The following SLIT3 variants were observed in gnomAD, a reference collection of about 807,000 sequenced individuals.
SLIT3 encodes the protein slit homolog 3 protein.
SLIT3 carries 68 observed loss-of-function variants against 184.0 expected under a neutral mutation model. The observed-to-expected ratio is 0.37, with a 90% confidence interval of 0.30 to 0.45. The LOEUF is 0.45. Among genes scored for constraint, SLIT3 ranks in the 20% least tolerant of loss-of-function variants. The probability of loss-of-function intolerance (pLI) is 1.00; values close to 1 mark genes in which losing one functional copy is unlikely to be tolerated. For missense variants in SLIT3, 1,707 were observed against 2,026.0 expected, an observed-to-expected ratio of 0.84 and a Z score of 3.02; for synonymous variants, 831 against 828.6, an observed-to-expected ratio of 1.00 and a Z score of -0.05.
At chr5:168,870,265 C>G (rs1398883830) in intron 5 of SLIT3, among the ~76,000 whole-genome samples, 1 of 152,216 alleles carries the variant, frequency 6.6e-6, no homozygotes, top group Non-Finnish European at 1.5e-5. Context: ...CTGTTGCCCC[C>G]AGATGCAAAG....
intron 4 of SLIT3, among the ~76,000 whole-genome samples, chr5:168,938,505 T>A (rs1762231818): frequency 6.6e-6 from 1 of 152,218 alleles, no homozygotes; most frequent in Non-Finnish European, 1.5e-5. Flanking sequence ...ATACTGTTGT[T>A]TTCTAGAACA....
chr5:169,238,592 G>C (rs1765283429), intron 3 of SLIT3, among the ~76,000 whole-genome samples: 1 of 133,294 alleles, frequency 7.5e-6, no homozygotes, highest in Admixed American at 8.1e-5. Flanking sequence ...GCTCATTCTG[G>C]TTTTTGCAAA....
chr5:169,272,615 C>T lies in SLIT3; in HGVS notation c.198-21156G>A, dbSNP rs555102953. Among the ~76,000 whole-genome samples the T allele has an allele frequency of 6.6e-5, 10 of 152,326 alleles. No individual in the cohort carries two copies. In the South Asian group the frequency reaches 1.9e-3, roughly 28 times the overall value. On this transcript the variant is annotated intron_variant, in intron 1 of 35. Transcript: ENST00000519560. Reference sequence around the variant, plus strand: ...AATGCACTGATGTGATCGTGTCTCTCATTCACAGCTTCCAAGACCATGTGA... The same window carrying T: ...AATGCACTGATGTGATCGTGTCTCTTATTCACAGCTTCCAAGACCATGTGA...
chr5:169,212,422 G>A (rs1414872629), intron 3 of SLIT3, among the ~76,000 whole-genome samples: 1 of 152,038 alleles, frequency 6.6e-6, no homozygotes, highest in Non-Finnish European at 1.5e-5. Flanking sequence ...GTCTTCTTTT[G>A]AGAAGCGTCT....
Position 168,806,551 on chromosome 5 carries a change from G to C in SLIT3, c.830C>G (p.Ser277Cys). Reference sequence around the variant, plus strand: ...CGTGCAGGGCGAAGGGCAGGAGATGGAGTTGGCATTGCAGGATGGGGGCTC... The same window carrying C: ...CGTGCAGGGCGAAGGGCAGGAGATGCAGTTGGCATTGCAGGATGGGGGCTC... ...HSEPPSCNANSISCPSPCTCS... is the reference protein window; with the variant it reads ...HSEPPSCNANCISCPSPCTCS... The change falls in exon 9 of 36, where the codon TCC becomes TGC. Residue 277 changes from serine (S) to cysteine (C), a missense_variant. Coordinates refer to ENST00000519560, the MANE Select transcript of SLIT3 (RefSeq NM_003062.4). 1 of 1,614,226 alleles carries C rather than the reference G, an allele frequency of 6.2e-7. No homozygotes were observed. Among genetic ancestry groups the C allele is most frequent in the Non-Finnish European group, 8.5e-7 (1 of 1,180,022 alleles).
In SLIT3 at chr5:168,665,661, T is replaced by C. The variant is rs1272154315; in HGVS notation, c.*793A>G. On this transcript the variant is annotated 3_prime_UTR_variant, in exon 36 of 36. Coordinates refer to ENST00000519560, the MANE Select transcript of SLIT3 (RefSeq NM_003062.4). ...CAGACTTCAATAGTCAGTCCTCGATTGGAAGCCAGGGCCAGCCAGGAAGGA... is the reference window on the plus strand; with the variant it reads ...CAGACTTCAATAGTCAGTCCTCGATCGGAAGCCAGGGCCAGCCAGGAAGGA... 1 of 152,580 alleles carries C rather than the reference T, an allele frequency of 6.6e-6. No homozygotes were observed. Among genetic ancestry groups the C allele is most frequent in the East Asian group, 1.9e-4 (1 of 5,218 alleles). 9.5% of individuals were successfully genotyped at this position (152,580 alleles called of 1,614,324 possible).
In SLIT3 at chr5:168,963,542, A is replaced by G. The variant is rs139257602; in HGVS notation, c.414-80206T>C. Reference sequence around the variant, plus strand: ...CAAGGCAAAGGTGAGTGGTTGTGACAGGGACTATTCTAAGCCTAAAATATT... The same window carrying G: ...CAAGGCAAAGGTGAGTGGTTGTGACGGGGACTATTCTAAGCCTAAAATATT... On this transcript the variant is annotated intron_variant, in intron 4 of 35. Transcript: ENST00000519560. Among the ~76,000 whole-genome samples the G allele has an allele frequency of 4.4e-3, 675 of 152,354 alleles. 4 individuals are homozygous for G. The highest frequency in any genetic ancestry group is 7.4e-3 in the Non-Finnish European group (504 of 68,036).
At chr5:169,227,785 T>A (rs1284463067) in intron 3 of SLIT3, among the ~76,000 whole-genome samples, 1 of 152,202 alleles carries the variant, frequency 6.6e-6, no homozygotes, top group Non-Finnish European at 1.5e-5. Flanking sequence ...CTAATACTTC[T>A]ATTACCCCCT....
At chr5:168,704,378 A>T (rs1441443191) in intron 26 of SLIT3, among the ~76,000 whole-genome samples, 1 of 152,186 alleles carries the variant, frequency 6.6e-6, no homozygotes, top group Non-Finnish European at 1.5e-5. Flanking sequence ...GCCCCTTTTC[A>T]TCCTTCCAAC....
At chr5:169,242,276 T>C (rs886850762) in intron 3 of SLIT3, among the ~76,000 whole-genome samples, 1 of 152,184 alleles carries the variant, frequency 6.6e-6, no homozygotes, top group African/African-American at 2.4e-5. Flanking sequence ...CAGCTGCCTG[T>C]GTTTCTAATG....
At position 168,666,484 on chromosome 5, in the gene SLIT3, G is replaced by A. The variant is rs761385256; in HGVS notation, c.4542C>T (p.His1514=). 13 of 1,595,948 alleles carry A rather than the reference G, an allele frequency of 8.1e-6. No homozygotes were observed. The East Asian group carries it at 1.3e-4, about 17-fold the overall frequency. Residue 1514 remains histidine (H), a synonymous_variant, in exon 36 of 36, where the codon CAC becomes CAT. Coordinates refer to ENST00000519560, the MANE Select transcript of SLIT3 (RefSeq NM_003062.4). ...AACACGCGAGGCAGCCGCACTCTAAGTGTCTCTCCACCTCTTCTACAAACG... is the reference window on the plus strand; with the variant it reads ...AACACGCGAGGCAGCCGCACTCTAAATGTCTCTCCACCTCTTCTACAAACG... ...GSSFVEEVER[H]LECGCLACS
intron 8 of SLIT3, among the ~76,000 whole-genome samples, chr5:168,809,027 G>C (rs932757842): frequency 6.6e-6 from 1 of 152,166 alleles, no homozygotes; most frequent in African/African-American, 2.4e-5. Context: ...GGACTGGATG[G>C]CCCTCCCTCT....
In SLIT3 at chr5:168,748,410, A is replaced by C. The variant is rs762367561; in HGVS notation, c.2162T>G (p.Leu721Arg). 6 of 1,524,044 alleles carry C rather than the reference A, an allele frequency of 3.9e-6. No individual in the cohort carries two copies. The highest frequency in any genetic ancestry group is 5.2e-6 in the Non-Finnish European group (6 of 1,147,714). 94.4% of individuals were successfully genotyped at this position (1,524,044 alleles called of 1,614,324 possible). A position where few individuals can be genotyped will look rare whatever the true frequency, so the allele number is the denominator to read the frequency against. The change falls in exon 20 of 36, where the codon CTG (leucine) becomes CGG (arginine). Residue 721 changes from leucine (L) to arginine (R), a missense_variant. Leu to Arg is a moderately radical substitution (Grantham distance 102). Around this residue, in one of 3 missense-constraint regions of SLIT3, gnomAD observed 1,307 missense variants for 1,511.6 expected, o/e 0.86. Transcript: ENST00000519560. ...CDGNEESSCQ[L>R]SPRCPEQCTC... ...GCACTGCTCCGGGCAGCGCGGGCTC[A>C]GCTGGCAGCTACTCTCCTCGTTGCC...
In SLIT3 at chr5:168,891,967, C is replaced by T. The variant is rs192584229; in HGVS notation, c.414-8631G>A. On this transcript the variant is annotated intron_variant, in intron 4 of 35. Coordinates refer to ENST00000519560, the MANE Select transcript of SLIT3 (RefSeq NM_003062.4). ...AAAACCAAATAACTCTCTGTGCCAG[C>T]CAATTGGATGCTTCACCCTGGGAAG... Among the ~76,000 whole-genome samples, 255 of 152,300 alleles carry T rather than the reference C, an allele frequency of 1.7e-3. 2 individuals are homozygous for T. Among genetic ancestry groups the T allele is most frequent in the Non-Finnish European group, 2.7e-3 (184 of 68,034 alleles).
intron 4 of SLIT3, among the ~76,000 whole-genome samples, chr5:169,025,592 A>G (rs1756787252): frequency 6.6e-6 from 1 of 152,182 alleles, no homozygotes; most frequent in Non-Finnish European, 1.5e-5. Flanking sequence ...GGCATATAGA[A>G]AACTTGGATC....
chr5:168,718,626 A>G (rs1432936696), intron 23 of SLIT3, among the ~76,000 whole-genome samples: 2 of 151,550 alleles, frequency 1.3e-5, no homozygotes, highest in Non-Finnish European at 2.9e-5. Context: ...ACTCAGGGCT[A>G]AAAGACCACC....
chr5:168,736,188 C>A (rs1763430670), intron 20 of SLIT3, among the ~76,000 whole-genome samples: 1 of 152,208 alleles, frequency 6.6e-6, no homozygotes, highest in African/African-American at 2.4e-5. Context: ...GTGTGTGGCA[C>A]AATGAACTCA....
chr5:168,774,397 C>A lies in SLIT3; in HGVS notation c.1152-19G>T. 3 of 1,599,410 alleles carry A rather than the reference C, an allele frequency of 1.9e-6. No homozygotes were observed. The highest frequency in any genetic ancestry group is 2.7e-5 in the African/African-American group (2 of 74,584). On this transcript the variant is annotated intron_variant, in intron 12 of 35. Coordinates refer to ENST00000519560, the MANE Select transcript of SLIT3 (RefSeq NM_003062.4). ...GAGGAGGCTGCAAACAGAAGAGAGC[C>A]TGGTTGATTCACTAATCCTGGTAAT...
At chr5:169,000,945 G>T (rs1215222649) in intron 4 of SLIT3, among the ~76,000 whole-genome samples, 1 of 152,168 alleles carries the variant, frequency 6.6e-6, no homozygotes, top group African/African-American at 2.4e-5. Context: ...GCGTCGGAAA[G>T]CTTTCTTAGT....
Sources: allele counts gnomAD v4.1 joint callset (sites outside exome capture counted in the v4.1 genomes callset), GRCh38; gene constraint gnomAD v4.1.1; regional missense constraint gnomAD v4.1.1; transcripts MANE v1.5; gene names NCBI Gene and HGNC (gene_info 2026-07-23, HGNC 2026-07-21).